NOS1AP: variants seen among roughly 807,000 people sequenced by gnomAD.
NOS1AP encodes the protein carboxyl-terminal PDZ ligand of neuronal nitric oxide synthase protein.
Under a neutral mutation model 56.2 loss-of-function variants are expected in NOS1AP, and 21 were observed. That is an observed-to-expected ratio of 0.37 (90% CI 0.26 to 0.54). The LOEUF (loss-of-function observed/expected upper bound fraction) is 0.54, where lower values mean the gene tolerates loss of function less well. NOS1AP is among the 20% of genes least tolerant of loss of function. The pLI, the probability that NOS1AP is intolerant of heterozygous loss-of-function variation, is 0.84. For missense variants in NOS1AP, 522 were observed against 657.8 expected, an observed-to-expected ratio of 0.79 and a Z score of 2.26; for synonymous variants, 270 against 274.6, an observed-to-expected ratio of 0.98 and a Z score of 0.17.
chr1:162,199,902 A>G (rs1437572684), intron 2 of NOS1AP, among the ~76,000 whole-genome samples: 2 of 152,244 alleles, frequency 1.3e-5, no homozygotes, highest in African/African-American at 4.8e-5. Flanking sequence ...GATGCAAATT[A>G]GTGCTTTGGT....
At chr1:162,143,335 T>G (rs757232949) in intron 1 of NOS1AP, among the ~76,000 whole-genome samples, 1 of 152,182 alleles carries the variant, frequency 6.6e-6, no homozygotes, top group African/African-American at 2.4e-5. Context: ...GTACAGTTAT[T>G]AGTCTATGAG....
intron 2 of NOS1AP, among the ~76,000 whole-genome samples, chr1:162,192,171 G>T (rs1268291373): frequency 6.6e-6 from 1 of 152,168 alleles, no homozygotes; most frequent in African/African-American, 2.4e-5. Flanking sequence ...AACTCTGGGG[G>T]TGGGGCCCAG....
intron 5 of NOS1AP, among the ~76,000 whole-genome samples, chr1:162,341,645 A>T (rs1273604466): frequency 1.3e-5 from 2 of 152,200 alleles, no homozygotes; most frequent in African/African-American, 4.8e-5. Flanking sequence ...AGGCAGAATA[A>T]AGTCATACCT....
At chr1:162,091,669 A>G (rs1000629417) in intron 1 of NOS1AP, among the ~76,000 whole-genome samples, 29 of 152,228 alleles carry the variant, frequency 1.9e-4, no homozygotes, top group Non-Finnish European at 3.8e-4. Context: ...TAAGGAATGA[A>G]TAAATCCTGC....
At chr1:162,147,251 C>T (rs1038675737) in intron 1 of NOS1AP, among the ~76,000 whole-genome samples, 1 of 150,532 alleles carries the variant, frequency 6.6e-6, no homozygotes, top group African/African-American at 2.5e-5. Flanking sequence ...ATGGAGTGAA[C>T]CCGGGAGGCA....
rs914380549 is a variant in NOS1AP at position 162,138,896 on chromosome 1, C to G, written c.106-15509C>G. Among the ~76,000 whole-genome samples the G allele has an allele frequency of 3.3e-5, 5 of 152,108 alleles. 1 individual carries two copies. The highest frequency in any genetic ancestry group is 3.3e-4 in the Admixed American group (5 of 15,278). On this transcript the variant is annotated intron_variant, in intron 1 of 9. Transcript: ENST00000361897. ...AGGGGTTCACACAGGGCCAGGGATTCCTGGGATGTGGGACTTTCACTGCTA... is the reference window on the plus strand; with the variant it reads ...AGGGGTTCACACAGGGCCAGGGATTGCTGGGATGTGGGACTTTCACTGCTA...
chr1:162,239,875 G>T (rs566327396), intron 2 of NOS1AP, among the ~76,000 whole-genome samples: 11 of 152,322 alleles, frequency 7.2e-5, no homozygotes, highest in Non-Finnish European at 1.0e-4. Flanking sequence ...ACTTAGGTTT[G>T]TCTGATTTTA....
chr1:162,321,731 A>AAAATATATATATAT (rs1480278757), intron 4 of NOS1AP, among the ~76,000 whole-genome samples: 2 of 128,494 alleles, frequency 1.6e-5, no homozygotes, highest in African/African-American at 2.9e-5. Flanking sequence ...AAAAAAAAAA[A>AAAATATATATATAT]ATATATATAT....
chr1:162,122,454 T>C (rs1459617222), intron 1 of NOS1AP, among the ~76,000 whole-genome samples: 1 of 151,844 alleles, frequency 6.6e-6, no homozygotes, highest in Non-Finnish European at 1.5e-5. Context: ...GAACTTTTTA[T>C]TATGAAAAAA....
rs35946766 is a variant in NOS1AP at position 162,324,416 on chromosome 1, C to CTTTTTTTTTT, written c.345-8582_345-8573dup. Among the ~76,000 whole-genome samples, 177 of 72,136 alleles carry CTTTTTTTTTT rather than the reference C, an allele frequency of 2.5e-3. 31 individuals carry two copies. The highest frequency in any genetic ancestry group is 3.2e-3 in the Non-Finnish European group (115 of 36,142). The allele number at this position is 72,136 out of a possible 152,430, so 47.3% of individuals were successfully genotyped here. A position where few individuals can be genotyped will look rare whatever the true frequency, so the allele number is the denominator to read the frequency against. On this transcript the variant is annotated intron_variant, in intron 4 of 9. Coordinates refer to ENST00000361897, the MANE Select transcript of NOS1AP (RefSeq NM_014697.3). ...TAGTGGTTTTGTGAGGGACACTAGC[C>CTTTTTTTTTT]TTTTTTTTTTTTTTTTTTTTTTTTT...
At chr1:162,160,601 C>G (rs1285948467) in intron 2 of NOS1AP, among the ~76,000 whole-genome samples, 1 of 152,126 alleles carries the variant, frequency 6.6e-6, no homozygotes, top group Non-Finnish European at 1.5e-5. Flanking sequence ...CCATATTTTA[C>G]CTCCTCTGGG....
chr1:162,228,249 A>G (rs1653009103), intron 2 of NOS1AP, among the ~76,000 whole-genome samples: 1 of 152,208 alleles, frequency 6.6e-6, no homozygotes, highest in Non-Finnish European at 1.5e-5. Context: ...TGATTTTGTC[A>G]GACTAGTTTG....
intron 2 of NOS1AP, among the ~76,000 whole-genome samples, chr1:162,226,234 G>A (rs371616229): frequency 0.013 from 1,908 of 152,090 alleles, 25 homozygotes; most frequent in African/African-American, 0.044. Flanking sequence ...CAGAGGTTGC[G>A]GTGAGCTGAG....
chr1:162,315,626 CACATCCTTTATCAGGAGACCCT>C (rs1356918365), intron 4 of NOS1AP, among the ~76,000 whole-genome samples: 1 of 152,212 alleles, frequency 6.6e-6, no homozygotes, highest in Non-Finnish European at 1.5e-5. Context: ...TGCAAGTCTC[CACATCCTTTATCAGGAGACCCT>C]GAGAACTGGC....
At chr1:162,208,670 C>T (rs947890192) in intron 2 of NOS1AP, among the ~76,000 whole-genome samples, 3 of 152,116 alleles carry the variant, frequency 2.0e-5, no homozygotes, top group Non-Finnish European at 2.9e-5. Flanking sequence ...CCAAATGTTC[C>T]CTGAAAGGCA....
Position 162,193,163 on chromosome 1 carries a change from A to G in NOS1AP, c.177+38687A>G, listed in dbSNP as rs143605276. On this transcript the variant is annotated intron_variant, in intron 2 of 9. Coordinates refer to ENST00000361897, the MANE Select transcript of NOS1AP (RefSeq NM_014697.3). ...GCTGCAAGAAACACTGAAATGCCTT[A>G]AGGAGTGATGCTGTGAAGTGGCTGG... 2.6e-5 allele frequency among the ~76,000 whole-genome samples: 4 copies of G among 152,284 alleles called. No homozygotes were observed. The East Asian group carries it at 7.7e-4, about 29-fold the overall frequency.
chr1:162,367,116 C>T lies in NOS1AP; in HGVS notation c.1170C>T (p.Asp390=). The T allele has an allele frequency of 6.2e-7, 1 of 1,613,902 alleles. No homozygotes were observed. Among genetic ancestry groups the T allele is most frequent in the Non-Finnish European group, 8.5e-7 (1 of 1,180,008 alleles). ...FRSGALPVLC[D]PTTPKPEDLH... The stretch of plus-strand genomic sequence containing the variant: ...CCGGAGCCCTGCCCGTGCTCTGTGA[C>T]CCCACGACCCCTAAGCCAGAGGACC... Residue 390 remains aspartate, a synonymous_variant, in exon 10 of 10, where the codon GAC becomes GAT. Transcript: ENST00000361897. The surrounding 1 kb of genome is among the most constrained non-coding windows in gnomAD (Gnocchi z 6.5).
chr1:162,180,435 G>A (rs1439671493), intron 2 of NOS1AP, among the ~76,000 whole-genome samples: 2 of 152,036 alleles, frequency 1.3e-5, no homozygotes, highest in South Asian at 2.1e-4. Context: ...TAGTAGAGGC[G>A]CGCTTTCACC....
chr1:162,339,769 T>C (rs1229734560), intron 5 of NOS1AP, among the ~76,000 whole-genome samples: 1 of 152,114 alleles, frequency 6.6e-6, no homozygotes, highest in African/African-American at 2.4e-5. Flanking sequence ...GGCCAGAAGG[T>C]GGGGTAACTA....
Sources: gnomAD v4.1 joint callset for allele counts (sites outside exome capture counted in the v4.1 genomes callset) on GRCh38, gnomAD v4.1.1 for gene constraint, Gnocchi (gnomAD v3.1) non-coding constraint, MANE v1.5 for transcripts, NCBI Gene and HGNC (gene_info 2026-07-23, HGNC 2026-07-21) for gene names.